MYO16: variants seen among roughly 807,000 people sequenced by gnomAD.
MYO16 encodes myosin XVI, also known as unconventional myosin-XVI.
Under a neutral mutation model 205.3 loss-of-function variants are expected in MYO16, and 94 were observed. That is an observed-to-expected ratio of 0.46 (90% CI 0.39 to 0.54). The LOEUF (loss-of-function observed/expected upper bound fraction) is 0.54. MYO16 is among the 20% of genes least tolerant of loss of function. The pLI, the probability that MYO16 is intolerant of heterozygous loss-of-function variation, is 0.00. For missense variants in MYO16, 2,315 were observed against 2,387.5 expected (o/e 0.97, Z 0.63); for synonymous variants, 988 against 954.0 (o/e 1.04, Z -0.66).
chr13:108,957,892 A>G, intron 17 of MYO16, 93 bp downstream of exon 17: 1 of 1,002,178 alleles, frequency 1.0e-6, no homozygotes, highest in Non-Finnish European at 1.5e-6. Context: ...AGCCCCTATG[A>G]CATTCCAGAT....
At chr13:108,978,390 C>G (rs774525142) in intron 20 of MYO16, among the ~76,000 whole-genome samples, 1 of 152,018 alleles carries the variant, frequency 6.6e-6, no homozygotes, top group Non-Finnish European at 1.5e-5. Flanking sequence ...AATACATTTA[C>G]TTAGCATTCC....
At chr13:108,775,902 G>A (rs372179042) in intron 4 of MYO16, among the ~76,000 whole-genome samples, 41 of 152,296 alleles carry the variant, frequency 2.7e-4, no homozygotes, top group African/African-American at 8.4e-4. Flanking sequence ...TGGAGTATTC[G>A]AAGCACGTCA....
chr13:108,926,161 A>G (rs1394262870), intron 16 of MYO16, among the ~76,000 whole-genome samples: 1 of 152,176 alleles, frequency 6.6e-6, no homozygotes. Flanking sequence ...AATGAAATAC[A>G]CTGACGTGTT....
chr13:108,502,295 T>C, the MYO16 span, among the ~76,000 whole-genome samples: 8 of 152,318 alleles, frequency 5.3e-5, no homozygotes, highest in South Asian at 1.7e-3. Context: ...ACCCACAGTA[T>C]ATTTAAATAC....
chr13:108,732,507 A>G (rs1158449072), intron 4 of MYO16, among the ~76,000 whole-genome samples: 3 of 152,204 alleles, frequency 2.0e-5, no homozygotes, highest in Non-Finnish European at 4.4e-5. Flanking sequence ...GACGGTACAT[A>G]GAAAGCTATG....
At chr13:108,833,960 A>T (rs1311940708) in intron 9 of MYO16, among the ~76,000 whole-genome samples, 1 of 152,042 alleles carries the variant, frequency 6.6e-6, no homozygotes, top group African/African-American at 2.4e-5. Flanking sequence ...TTCTCACCAA[A>T]TAAAGTTCTA....
chr13:108,959,297 T>G (rs1883495604), intron 17 of MYO16, among the ~76,000 whole-genome samples: 1 of 152,226 alleles, frequency 6.6e-6, no homozygotes, highest in Admixed American at 6.5e-5. Context: ...GCTGTGGTAC[T>G]TTTTTGTTTT....
At chr13:109,067,310 C>T (rs1887783422) in intron 27 of MYO16, among the ~76,000 whole-genome samples, 1 of 152,196 alleles carries the variant, frequency 6.6e-6, no homozygotes. Flanking sequence ...AGGCAATGGG[C>T]ACTGCGCTAA....
At chr13:108,820,295 C>A in intron 7 of MYO16, 42 bp from the exon 8 acceptor site, 2 of 1,427,652 alleles carry the variant, frequency 1.4e-6, no homozygotes, top group South Asian at 1.2e-5. Flanking sequence ...ATCCTAGCTT[C>A]TGCCATGGTG....
chr13:108,577,383 A>C, the MYO16 span, among the ~76,000 whole-genome samples: 23 of 152,130 alleles, frequency 1.5e-4, no homozygotes, highest in Non-Finnish European at 3.2e-4. Flanking sequence ...TCTCCTTACC[A>C]TGTTGTTGTG....
chr13:108,946,524 AAT>A lies in MYO16; in HGVS notation c.1926-11161_1926-11160del, dbSNP rs1426331014. Among the ~76,000 whole-genome samples the A allele has an allele frequency of 2.6e-5, 4 of 152,202 alleles. No homozygotes were observed. In the East Asian group the frequency reaches 7.7e-4, roughly 29 times the overall value. ...GTATGTGTAAACCTTCTGTACACCCAATATTAATTTAAATTTTATGAGAATCC... is the reference window on the plus strand; with the variant it reads ...GTATGTGTAAACCTTCTGTACACCCAATTAATTTAAATTTTATGAGAATCC... On this transcript the variant is annotated intron_variant, in intron 16 of 34. Transcript: ENST00000457511.
chr13:108,571,738 C>CA, the MYO16 span, among the ~76,000 whole-genome samples: 6 of 143,994 alleles, frequency 4.2e-5, no homozygotes, highest in Admixed American at 4.2e-4. Flanking sequence ...TAGTTCAAAA[C>CA]AAAACCAAGT....
At chr13:108,520,837 A>G in the MYO16 span, among the ~76,000 whole-genome samples, 2 of 152,194 alleles carry the variant, frequency 1.3e-5, no homozygotes, top group Non-Finnish European at 2.9e-5. Context: ...GATAACTCGC[A>G]GTGGATGTTG....
intron 15 of MYO16, among the ~76,000 whole-genome samples, chr13:108,902,238 A>C (rs1391179279): frequency 6.6e-6 from 1 of 152,210 alleles, no homozygotes; most frequent in East Asian, 1.9e-4. Context: ...TCTCATGCCA[A>C]CGCTGGCTGT....
At chr13:108,939,999 C>T (rs1382764603) in intron 16 of MYO16, among the ~76,000 whole-genome samples, 1 of 152,116 alleles carries the variant, frequency 6.6e-6, no homozygotes, top group African/African-American at 2.4e-5. Context: ...GTAAACAGAA[C>T]AACATGCAAT....
chr13:108,604,215 C>T (rs756100094), intron 1 of MYO16, among the ~76,000 whole-genome samples: 17 of 152,012 alleles, frequency 1.1e-4, no homozygotes, highest in Non-Finnish European at 1.0e-4. Context: ...ATTTGGATTG[C>T]AATTTAAGAT....
intron 16 of MYO16, among the ~76,000 whole-genome samples, chr13:108,913,477 G>A (rs186003935): frequency 5.3e-5 from 8 of 152,218 alleles, no homozygotes; most frequent in Non-Finnish European, 8.8e-5. Context: ...TTAAATTTAG[G>A]TTGGTATCTA....
chr13:108,932,802 C>G (rs2139294928), intron 16 of MYO16, among the ~76,000 whole-genome samples: 1 of 152,252 alleles, frequency 6.6e-6, no homozygotes, highest in South Asian at 2.1e-4. Flanking sequence ...CCGCACTGGT[C>G]CTTTGAAGCA....
At chr13:109,024,852 C>T (rs1886310278) in intron 23 of MYO16, among the ~76,000 whole-genome samples, 1 of 151,972 alleles carries the variant, frequency 6.6e-6, no homozygotes. Flanking sequence ...AGCCATATGC[C>T]ATTTGAATAA....
Sources: gnomAD v4.1 joint callset for allele counts (sites outside exome capture counted in the v4.1 genomes callset) on GRCh38, gnomAD v4.1.1 for gene constraint, MANE v1.5 for transcripts, NCBI Gene and HGNC (gene_info 2026-07-23, HGNC 2026-07-21) for gene names.